Variants in GDPD5 observed in about 807,000 individuals in gnomAD.
GDPD5 encodes glycerophosphodiester phosphodiesterase 2.
A neutral mutation model predicts 75.1 loss-of-function variants in GDPD5; 48 were observed. The ratio of observed to expected loss-of-function variants is 0.64; its 90% confidence interval spans 0.51 to 0.81. The LOEUF is 0.81. Among genes scored for constraint, GDPD5 ranks in the 40% least tolerant of loss-of-function variants. The pLI, the probability that GDPD5 is intolerant of heterozygous loss-of-function variation, is 0.00. For missense variants in GDPD5, 706 were observed against 822.6 expected (o/e 0.86, Z 1.73); for synonymous variants, 336 against 339.0 (o/e 0.99, Z 0.10).
intron 15 of GDPD5, 70 bp from the exon 16 acceptor site, chr11:75,437,118 T>C (rs2076513967): frequency 8.9e-7 from 1 of 1,126,112 alleles, no homozygotes. Context: ...CCTGCCTACT[T>C]CCAGAGCCTC....
chr11:75,477,578 G>A (rs1949805427), intron 3 of GDPD5, 41 bp downstream of exon 3: 4 of 1,347,982 alleles, frequency 3.0e-6, no homozygotes, highest in Non-Finnish European at 4.1e-6. Flanking sequence ...GGCTTGCTGG[G>A]GCTCACTGGG....
intron 4 of GDPD5, among the ~76,000 whole-genome samples, chr11:75,459,211 T>A (rs148373257): frequency 7.9e-5 from 12 of 152,256 alleles, no homozygotes; most frequent in Non-Finnish European, 1.8e-4. Context: ...ATGAAATAGT[T>A]TCTAATTCTT....
At chr11:75,492,016 G>A (rs888880603) in intron 1 of GDPD5, among the ~76,000 whole-genome samples, 11 of 152,174 alleles carry the variant, frequency 7.2e-5, no homozygotes, top group Non-Finnish European at 1.5e-4. Flanking sequence ...CTCCATCCCA[G>A]TGCTCCTTCC....
intron 1 of GDPD5, among the ~76,000 whole-genome samples, chr11:75,523,449 C>T (rs1300171695): frequency 1.3e-5 from 2 of 152,314 alleles, no homozygotes; most frequent in African/African-American, 2.4e-5. Flanking sequence ...GTTGCCCACA[C>T]GAGACTGGGC....
intron 5 of GDPD5, 141 bp from the exon 6 acceptor site, chr11:75,456,957 T>C: frequency 1.3e-6 from 1 of 763,354 alleles, no homozygotes; most frequent in Non-Finnish European, 2.3e-6. Context: ...GCGATGGGAA[T>C]GCGCTGCCCT....
intron 2 of GDPD5, among the ~76,000 whole-genome samples, chr11:75,482,545 C>G (rs1335080285): frequency 6.6e-6 from 1 of 152,174 alleles, no homozygotes; most frequent in Admixed American, 6.5e-5. Flanking sequence ...CACAGCCACT[C>G]CCCTGTTCAA....
chr11:75,474,111 C>T (rs1179913339), intron 3 of GDPD5, among the ~76,000 whole-genome samples: 2 of 152,236 alleles, frequency 1.3e-5, no homozygotes, highest in African/African-American at 4.8e-5. Flanking sequence ...GGGGTCAGTG[C>T]AGGCTGTGCC....
chr11:75,456,460 A>C, intron 6 of GDPD5: 1 of 437,990 alleles, frequency 2.3e-6, no homozygotes, highest in East Asian at 3.8e-5. Context: ...TGGATCTTCC[A>C]TGTTTAAACT....
chr11:75,515,126 G>C (rs529532170), intron 1 of GDPD5, among the ~76,000 whole-genome samples: 3 of 152,348 alleles, frequency 2.0e-5, no homozygotes, highest in East Asian at 1.9e-4. Context: ...GCATCTCACT[G>C]TGTCACCTCA....
At chr11:75,458,228 A>G (rs1248459886) in intron 4 of GDPD5, among the ~76,000 whole-genome samples, 1 of 152,208 alleles carries the variant, frequency 6.6e-6, no homozygotes, top group East Asian at 1.9e-4. Context: ...CTTGTGGAGG[A>G]CAGGCTTCAC....
chr11:75,437,043 C>G lies in GDPD5; in HGVS notation c.1562G>C (p.Arg521Pro). The change falls in exon 16 of 17, where the codon CGC (arginine) becomes CCC (proline). Residue 521 changes from arginine (R) to proline (P), a missense_variant. By Grantham distance (103) the Arg-to-Pro change is moderately radical (BLOSUM62 -2). Coordinates refer to ENST00000336898, the MANE Select transcript of GDPD5 (RefSeq NM_030792.8). The stretch of plus-strand genomic sequence containing the variant: ...GTTGTAGCTCCGTATGCCACCCAGG[C>G]GCCACCTGCAGAGATGGCCCCGTGG... ...IVGIFVLQKW[R>P]LGGIRSYNPE... 6.2e-7 allele frequency: 1 copy of G among 1,612,888 alleles called. No homozygotes were observed. The highest frequency in any genetic ancestry group is 8.5e-7 in the Non-Finnish European group (1 of 1,179,746).
At chr11:75,473,214 T>C (rs115212529) in intron 3 of GDPD5, among the ~76,000 whole-genome samples, 2 of 152,126 alleles carry the variant, frequency 1.3e-5, no homozygotes, top group African/African-American at 2.4e-5. Context: ...TATCTCATCA[T>C]AGAAGGCAGG....
At chr11:75,446,099 G>A (rs903521218) in intron 9 of GDPD5, among the ~76,000 whole-genome samples, 2 of 152,242 alleles carry the variant, frequency 1.3e-5, no homozygotes, top group African/African-American at 2.4e-5. Flanking sequence ...TGAATATCCT[G>A]CGGCCAGGCC....
At chr11:75,468,493 G>A (rs7115591) in intron 3 of GDPD5, among the ~76,000 whole-genome samples, 3 of 152,244 alleles carry the variant, frequency 2.0e-5, no homozygotes, top group African/African-American at 7.2e-5. Flanking sequence ...GCAATACTGG[G>A]TTTGAATCCC....
intron 1 of GDPD5, among the ~76,000 whole-genome samples, chr11:75,509,750 G>GCTCA (rs2135480153): frequency 6.6e-6 from 1 of 152,290 alleles, no homozygotes; most frequent in Admixed American, 6.5e-5. Context: ...CACGATCTCA[G>GCTCA]CTCACTGCAA....
rs181108097 is a variant in GDPD5, at chr11:75,480,378, G to C, written c.-60-2583C>G. Among the ~76,000 whole-genome samples, 714 of 151,646 alleles carry C rather than the reference G, an allele frequency of 4.7e-3. 3 individuals are homozygous for C. Among genetic ancestry groups the C allele is most frequent in the Non-Finnish European group, 8.1e-3 (550 of 67,928 alleles). ...GTCATATGGTAACTTTTGTTTTTGA[G>C]ATAAGGTCTTGCTCTGTTGCCCAAG... On this transcript the variant is annotated intron_variant, in intron 2 of 16. Transcript: ENST00000336898.
At chr11:75,442,992 G>A in intron 11 of GDPD5, 144 bp downstream of exon 11, 1 of 881,122 alleles carries the variant, frequency 1.1e-6, no homozygotes, top group Non-Finnish European at 1.8e-6. Flanking sequence ...AGGAGCCTAG[G>A]AGGCCACTAA....
intron 3 of GDPD5, among the ~76,000 whole-genome samples, chr11:75,466,071 C>T (rs1294258533): frequency 6.6e-6 from 1 of 152,216 alleles, no homozygotes; most frequent in Non-Finnish European, 1.5e-5. Context: ...GCACCTCCCA[C>T]TCCTGGGAAC....
In GDPD5 at chr11:75,459,037, G is replaced by C. The variant is rs1949355849; in HGVS notation, c.222-1251C>G. On this transcript the variant is annotated intron_variant, in intron 4 of 16. Transcript: ENST00000336898. The stretch of plus-strand genomic sequence containing the variant: ...GATCCTCCTACCTCAGCCTCCCAAA[G>C]TGCTGGGATTATAGGCGTGAGCCAC... 2.0e-5 allele frequency among the ~76,000 whole-genome samples: 3 copies of C among 152,196 alleles called. 1 individual carries two copies. The Middle Eastern group carries it at 0.01, about 518-fold the overall frequency.
Sources: allele counts gnomAD v4.1 joint callset (sites outside exome capture counted in the v4.1 genomes callset), GRCh38; gene constraint gnomAD v4.1.1; transcripts MANE v1.5; gene names NCBI Gene and HGNC (gene_info 2026-07-23, HGNC 2026-07-21).